KCNH1: variants seen among roughly 807,000 people sequenced by gnomAD.
KCNH1 encodes the protein potassium voltage-gated channel subfamily H member 1, also known as voltage-gated delayed rectifier potassium channel KCNH1.
KCNH1 carries 27 observed loss-of-function variants against 69.2 expected under a neutral mutation model. That is an observed-to-expected ratio of 0.39 (90% CI 0.29 to 0.54). The LOEUF (loss-of-function observed/expected upper bound fraction) is 0.54. Among genes scored for constraint, KCNH1 ranks in the 20% least tolerant of loss-of-function variants. The pLI, the probability that KCNH1 is intolerant of heterozygous loss-of-function variation, is 0.68. For synonymous variants in KCNH1, 456 were observed against 487.7 expected (o/e 0.93, Z 0.86); for missense variants, 798 against 1,261.6 (o/e 0.63, Z 5.57).
In KCNH1 at chr1:210,859,663, G is replaced by T. The variant is rs1019823389; in HGVS notation, c.1463-55497C>A. 45 of 1,302,916 alleles carry T rather than the reference G, an allele frequency of 3.5e-5. No individual in the cohort carries two copies. In the African/African-American group the frequency reaches 6.0e-4, roughly 17 times the overall value. The allele number at this position is 1,302,916 out of a possible 1,614,324, so 80.7% of individuals were successfully genotyped here. On this transcript the variant is annotated intron_variant, in intron 7 of 10. Coordinates refer to ENST00000271751, the MANE Select transcript of KCNH1 (RefSeq NM_172362.3). ...CTTGTGTTCTGCATGGCAGGCATAT[G>T]CTCTTTTTAATCCATTAAATAAAAG...
rs967678966 is a variant in KCNH1, at chr1:211,025,863, C to A, written c.559-6607G>T. ...TAGAATTGGCCATATAAATGCTAAA[C>A]CATCACAGCTGTAAATCATGTGCTT... On this transcript the variant is annotated intron_variant, in intron 5 of 10. Coordinates refer to ENST00000271751, the MANE Select transcript of KCNH1 (RefSeq NM_172362.3). Among the ~76,000 whole-genome samples the A allele has an allele frequency of 2.6e-5, 4 of 152,158 alleles. 1 individual carries two copies. The highest frequency in any genetic ancestry group is 4.4e-5 in the Non-Finnish European group (3 of 68,024).
At chr1:210,704,316 G>A (rs188985687) in intron 10 of KCNH1, among the ~76,000 whole-genome samples, 11 of 152,068 alleles carry the variant, frequency 7.2e-5, no homozygotes, top group Admixed American at 7.2e-4. Context: ...AATAACAATC[G>A]CCACGCCTAG....
chr1:211,060,072 C>T (rs1270553522), intron 5 of KCNH1, among the ~76,000 whole-genome samples: 1 of 151,784 alleles, frequency 6.6e-6, no homozygotes, highest in Non-Finnish European at 1.5e-5. Context: ...AAATCAATAA[C>T]AAGAGGAATT....
intron 6 of KCNH1, among the ~76,000 whole-genome samples, chr1:210,974,267 A>G (rs1688561216): frequency 6.6e-6 from 1 of 152,082 alleles, no homozygotes; most frequent in Admixed American, 6.5e-5. Flanking sequence ...ATTTTTCTGT[A>G]TCTATTAATA....
intron 5 of KCNH1, among the ~76,000 whole-genome samples, chr1:211,059,691 C>T (rs1260508674): frequency 4.0e-5 from 6 of 150,260 alleles, no homozygotes; most frequent in African/African-American, 9.8e-5. Context: ...TGCAGTGAGC[C>T]GAGATTGCGC....
intron 7 of KCNH1, among the ~76,000 whole-genome samples, chr1:210,839,379 C>T (rs1394437189): frequency 6.6e-6 from 1 of 151,770 alleles, no homozygotes; most frequent in Non-Finnish European, 1.5e-5. Context: ...TGGACACACG[C>T]TGGGGAACAA....
chr1:210,707,070 C>T lies in KCNH1; in HGVS notation c.2113-22932G>A, dbSNP rs147572860. On this transcript the variant is annotated intron_variant, in intron 10 of 10. Coordinates refer to ENST00000271751, the MANE Select transcript of KCNH1 (RefSeq NM_172362.3). ...TGAGGGGTATGTGTGTGTGTGTGCG[C>T]GCGCACGTGTATGTGTGTAGGGATT... Among the ~76,000 whole-genome samples, 582 of 151,084 alleles carry T rather than the reference C, an allele frequency of 3.9e-3. 7 individuals are homozygous for T. The highest frequency in any genetic ancestry group is 0.013 in the African/African-American group (541 of 40,436).
intron 6 of KCNH1, among the ~76,000 whole-genome samples, chr1:210,991,105 A>G (rs1164032528): frequency 1.3e-5 from 2 of 152,214 alleles, no homozygotes; most frequent in South Asian, 2.1e-4. Flanking sequence ...TTCTGGGTAT[A>G]TATCTAAAGG....
At chr1:210,781,873 G>A (rs1393571095) in intron 9 of KCNH1, among the ~76,000 whole-genome samples, 1 of 152,190 alleles carries the variant, frequency 6.6e-6, no homozygotes, top group African/African-American at 2.4e-5. Context: ...TCAACCCATC[G>A]AGGGCTTGTG....
chr1:210,942,373 G>A (rs1297629646), intron 6 of KCNH1, among the ~76,000 whole-genome samples: 2 of 152,074 alleles, frequency 1.3e-5, no homozygotes, highest in East Asian at 1.9e-4. Flanking sequence ...CAACCTCTCC[G>A]AGCTTCACAT....
At chr1:211,092,395 A>G (rs1436564317) in intron 3 of KCNH1, among the ~76,000 whole-genome samples, 2 of 152,216 alleles carry the variant, frequency 1.3e-5, no homozygotes, top group African/African-American at 2.4e-5. Flanking sequence ...AAATGTACAA[A>G]CAGGCAGCAA....
chr1:210,962,191 AC>A (rs1408914011), intron 6 of KCNH1, among the ~76,000 whole-genome samples: 1 of 151,476 alleles, frequency 6.6e-6, no homozygotes, highest in Non-Finnish European at 1.5e-5. Flanking sequence ...CTCTGCCTGG[AC>A]TCCCCCTCCC....
intron 10 of KCNH1, among the ~76,000 whole-genome samples, chr1:210,708,303 A>G (rs991898772): frequency 5.3e-5 from 8 of 152,010 alleles, no homozygotes; most frequent in Admixed American, 1.3e-4. Context: ...TCAATCTTCA[A>G]TGATTCCACT....
intron 7 of KCNH1, among the ~76,000 whole-genome samples, chr1:210,878,671 A>G (rs1414548578): frequency 6.6e-6 from 1 of 152,116 alleles, no homozygotes; most frequent in Non-Finnish European, 1.5e-5. Flanking sequence ...CAGTACCTAT[A>G]TTAGAAAAGA....
chr1:210,848,492 C>T (rs765724630), intron 7 of KCNH1, among the ~76,000 whole-genome samples: 3 of 152,178 alleles, frequency 2.0e-5, no homozygotes, highest in Non-Finnish European at 4.4e-5. Context: ...GCGTCTCACC[C>T]ACATGCAGTC....
In KCNH1 at chr1:210,684,020, A is replaced by G; in HGVS notation, c.2231T>C (p.Phe744Ser). 6.3e-7 allele frequency: 1 copy of G among 1,592,960 alleles called. No individual in the cohort carries two copies. Among genetic ancestry groups the G allele is most frequent in the Non-Finnish European group, 8.6e-7 (1 of 1,165,918 alleles). ...DHPVRRLFQR[F>S]RQQKEARLAA... ...CAGCCTGGCCTCTTTCTGCTGTCGG[A>G]ATCTCTGGAAGAGGCGCCGGACAGG... The change falls in exon 11 of 11, where the codon TTC becomes TCC. Residue 744 changes from phenylalanine (F) to serine (S), a missense_variant. This residue lies in a region of KCNH1 where 331 missense variants were observed against 363.2 expected (regional missense o/e 0.91). Transcript: ENST00000271751.
At chr1:210,989,185 G>A (rs894320550) in intron 6 of KCNH1, among the ~76,000 whole-genome samples, 1 of 152,184 alleles carries the variant, frequency 6.6e-6, no homozygotes, top group Non-Finnish European at 1.5e-5. Flanking sequence ...CTTTTTCAAT[G>A]CATCTGCTCC....
intron 7 of KCNH1, among the ~76,000 whole-genome samples, chr1:210,835,525 C>A (rs1685263296): frequency 6.6e-6 from 1 of 152,090 alleles, no homozygotes; most frequent in Non-Finnish European, 1.5e-5. Context: ...GTCTTCCAGG[C>A]AGTCCTAGAG....
intron 3 of KCNH1, among the ~76,000 whole-genome samples, chr1:211,094,685 G>A (rs112779868): frequency 2.0e-5 from 3 of 152,152 alleles, no homozygotes; most frequent in Admixed American, 6.5e-5. Context: ...GGTGGGTTAG[G>A]TGCTCTAGGA....
Sources: gnomAD v4.1 joint callset for allele counts (sites outside exome capture counted in the v4.1 genomes callset) on GRCh38, gnomAD v4.1.1 for gene constraint, gnomAD v4.1.1 regional missense constraint, MANE v1.5 for transcripts, NCBI Gene and HGNC (gene_info 2026-07-23, HGNC 2026-07-21) for gene names.